The following PDK3 variants were observed in gnomAD, a reference collection of about 807,000 sequenced individuals.
The protein encoded by PDK3 is pyruvate dehydrogenase kinase, isozyme 3.
A neutral mutation model predicts 32.0 loss-of-function variants in PDK3; 12 were observed. The observed-to-expected ratio is 0.37, with a 90% confidence interval of 0.24 to 0.61. PDK3 has a LOEUF of 0.61. Among genes scored for constraint, PDK3 ranks in the 20% least tolerant of loss-of-function variants. The pLI, the probability that PDK3 is intolerant of heterozygous loss-of-function variation, is 0.65. For missense variants in PDK3, 188 were observed against 316.9 expected (o/e 0.59, Z 3.09); for synonymous variants, 122 against 116.3 (o/e 1.05, Z -0.31).
chrX:24,536,378 T>A (rs1035449784), downstream of PDK3, among the ~76,000 whole-genome samples: 12 of 111,544 alleles, frequency 1.1e-4, no homozygotes, highest in Non-Finnish European at 1.9e-4. Context: ...GTTTTTTTTT[T>A]AAATCATTCC....
At chrX:24,470,084 A>G (rs1183794899) in intron 1 of PDK3, among the ~76,000 whole-genome samples, 4 of 112,038 alleles carry the variant, frequency 3.6e-5, no homozygotes, top group African/African-American at 9.7e-5. Context: ...TTTTATTGAT[A>G]TCCATTTGCT....
At chrX:24,483,459 C>T (rs1157701441) in intron 1 of PDK3, among the ~76,000 whole-genome samples, 1 of 111,847 alleles carries the variant, frequency 8.9e-6, no homozygotes, top group Non-Finnish European at 1.9e-5. Context: ...CACATCATGT[C>T]TCTTCCACTC....
chrX:24,473,819 G>A (rs1921036534), intron 1 of PDK3, among the ~76,000 whole-genome samples: 1 of 111,672 alleles, frequency 9.0e-6, no homozygotes, highest in South Asian at 3.7e-4. Context: ...TTGGATCAAT[G>A]TATTGTTTTT....
At chrX:24,537,282 AT>A (rs1167543267), downstream of PDK3, among the ~76,000 whole-genome samples, 12,863 of 65,230 alleles carry the variant, frequency 0.2, 804 homozygotes, top group Non-Finnish European at 0.26. Flanking sequence ...ACGCCTGGCT[AT>A]TTTTTTTTTT....
chrX:24,539,151 A>G, downstream of PDK3: 1 of 1,128,891 alleles, frequency 8.9e-7, no homozygotes, highest in Non-Finnish European at 1.2e-6. Context: ...ATCAAGACTA[A>G]TAGAACTTTC....
intron 1 of PDK3, among the ~76,000 whole-genome samples, chrX:24,484,602 A>G (rs1178521572): frequency 8.9e-6 from 1 of 112,037 alleles, no homozygotes; most frequent in Non-Finnish European, 1.9e-5. Context: ...AGGGACTACT[A>G]CCTTAATTAA....
At chrX:24,492,233 C>G (rs919273252) in intron 1 of PDK3, among the ~76,000 whole-genome samples, 1 of 111,702 alleles carries the variant, frequency 9.0e-6, no homozygotes, top group East Asian at 2.8e-4. Context: ...TACAGATGCT[C>G]CTTGACTTAC....
exon 12 of PDK3, among the ~76,000 whole-genome samples, chrX:24,545,210 G>T (rs1409299509): frequency 8.9e-6 from 1 of 111,849 alleles, no homozygotes; most frequent in Non-Finnish European, 1.9e-5. Flanking sequence ...TGCCACTGAG[G>T]GGGTTAACAT....
Position 24,530,250 on chromosome X carries a change from G to A in PDK3, c.964-1407G>A, listed in dbSNP as rs759120526. ...CCAAAGCCCTTAAATAATGGGGTAC[G>A]TTCTTTTACCCCCTGCCCTTTCAGT... On this transcript the variant is annotated intron_variant, in intron 9 of 10. Coordinates refer to ENST00000379162, the MANE Select transcript of PDK3 (RefSeq NM_005391.5). 9.9e-5 allele frequency among the ~76,000 whole-genome samples: 11 copies of A among 111,455 alleles called. No individual in the cohort carries two copies. In the East Asian group the frequency reaches 3.1e-3, roughly 31 times the overall value.
chrX:24,467,183 A>G (rs1227768313), intron 1 of PDK3, among the ~76,000 whole-genome samples: 1 of 112,313 alleles, frequency 8.9e-6, no homozygotes, highest in Admixed American at 9.5e-5. Flanking sequence ...CAGTATCTGG[A>G]AACAAATGTT....
At chrX:24,508,947 C>T (rs1400352582) in intron 5 of PDK3, among the ~76,000 whole-genome samples, 1 of 111,415 alleles carries the variant, frequency 9.0e-6, no homozygotes, top group Non-Finnish European at 1.9e-5. Context: ...GAACTCCTGA[C>T]CTCAGGTGAT....
At chrX:24,541,193 G>A (rs187827769) in exon 12 of PDK3, among the ~76,000 whole-genome samples, 175 of 108,568 alleles carry the variant, frequency 1.6e-3, no homozygotes, top group Non-Finnish European at 2.2e-3. Flanking sequence ...TTACAGGTTC[G>A]AGCCACTGCG....
chrX:24,473,028 A>G (rs977913201), intron 1 of PDK3, among the ~76,000 whole-genome samples: 1 of 109,583 alleles, frequency 9.1e-6, no homozygotes, highest in Middle Eastern at 4.8e-3. Flanking sequence ...TTCAGATAAT[A>G]TATGTTAATT....
At chrX:24,504,209 T>A (rs1921928235) in intron 4 of PDK3, among the ~76,000 whole-genome samples, 1 of 112,453 alleles carries the variant, frequency 8.9e-6, no homozygotes, top group African/African-American at 3.2e-5. Flanking sequence ...ACCATCTTTA[T>A]TTTAGTAATT....
At chrX:24,537,139 A>G (rs1347203026), downstream of PDK3, among the ~76,000 whole-genome samples, 5 of 89,755 alleles carry the variant, frequency 5.6e-5, no homozygotes, top group African/African-American at 2.1e-4. Context: ...TTTTTTTGAG[A>G]CAGAGTCTCA....
Position 24,503,319 on chromosome X carries a change from T to C in PDK3, c.321-8T>C. On this transcript the variant is annotated splice_region_variant and splice_polypyrimidine_tract_variant and intron_variant, in intron 3 of 10. Coordinates refer to ENST00000379162, the MANE Select transcript of PDK3 (RefSeq NM_005391.5). The stretch of plus-strand genomic sequence containing the variant: ...AGACTGACCACGTTTTGTTTCCCTC[T>C]CACACAGCTTTCTACAAGTTCTGAT... 8.4e-7 allele frequency: 1 copy of C among 1,191,274 alleles called. No homozygotes were observed. Among genetic ancestry groups the C allele is most frequent in the East Asian group, 3.0e-5 (1 of 33,421 alleles).
At chrX:24,541,422 C>T (rs865929468) in exon 12 of PDK3, among the ~76,000 whole-genome samples, 3 of 110,927 alleles carry the variant, frequency 2.7e-5, no homozygotes, top group Non-Finnish European at 3.8e-5. Flanking sequence ...TGTAAGGGGC[C>T]GAATATGGAT....
chrX:24,504,085 C>G (rs186942685), intron 4 of PDK3, among the ~76,000 whole-genome samples: 35 of 112,018 alleles, frequency 3.1e-4, no homozygotes, highest in African/African-American at 1.1e-3. Flanking sequence ...ACACAAAAAA[C>G]TTTTTGGCTC....
At chrX:24,511,790 G>C (rs780592684) in intron 5 of PDK3, among the ~76,000 whole-genome samples, 1 of 107,341 alleles carries the variant, frequency 9.3e-6, no homozygotes, top group South Asian at 4.3e-4. Flanking sequence ...GGAGGTTGCA[G>C]TGAGCTGAGA....
Sources: allele counts gnomAD v4.1 joint callset (sites outside exome capture counted in the v4.1 genomes callset), GRCh38; gene constraint gnomAD v4.1.1; transcripts MANE v1.5; gene names NCBI Gene and HGNC (gene_info 2026-07-23, HGNC 2026-07-21).